Variants in KCNQ5 observed in about 807,000 individuals in gnomAD.
KCNQ5 encodes potassium voltage-gated channel subfamily KQT member 5.
In KCNQ5, 30 loss-of-function variants were observed where a neutral mutation model predicts 98.2. The ratio of observed to expected loss-of-function variants is 0.31; its 90% CI spans 0.23 to 0.41. KCNQ5 has a LOEUF of 0.41. Ranked by LOEUF, KCNQ5 falls within the 10% of genes least tolerant of loss-of-function variation. The pLI, the probability that KCNQ5 is intolerant of heterozygous loss-of-function variation, is 1.00. For missense variants in KCNQ5, 835 were observed against 1,182.5 expected, an observed-to-expected ratio of 0.71 and a Z score of 4.31; for synonymous variants, 458 against 449.4, an observed-to-expected ratio of 1.02 and a Z score of -0.24.
intron 1 of KCNQ5, among the ~76,000 whole-genome samples, chr6:72,869,519 G>A (rs912437718): frequency 2.0e-5 from 3 of 152,056 alleles, no homozygotes; most frequent in Non-Finnish European, 4.4e-5. Flanking sequence ...CATTTACTTT[G>A]GTTAAATACA....
chr6:73,035,963 C>G (rs796872669), intron 2 of KCNQ5, among the ~76,000 whole-genome samples: 1 of 148,282 alleles, frequency 6.7e-6, no homozygotes, highest in South Asian at 2.1e-4. Flanking sequence ...ATTCAGATTT[C>G]TCCAGTTTTA....
intron 1 of KCNQ5, among the ~76,000 whole-genome samples, chr6:72,628,970 G>C (rs952059571): frequency 2.0e-5 from 3 of 152,026 alleles, no homozygotes; most frequent in African/African-American, 7.3e-5. Flanking sequence ...GCTTGGAGGA[G>C]GATCTGTTTA....
intron 1 of KCNQ5, among the ~76,000 whole-genome samples, chr6:72,798,456 C>G (rs1049284197): frequency 2.6e-5 from 4 of 152,132 alleles, no homozygotes; most frequent in Admixed American, 2.0e-4. Flanking sequence ...GTTTGTTATT[C>G]AAACGAGTTT....
At chr6:73,052,047 C>T (rs1007611673) in intron 3 of KCNQ5, among the ~76,000 whole-genome samples, 3 of 152,300 alleles carry the variant, frequency 2.0e-5, no homozygotes, top group East Asian at 3.9e-4. Flanking sequence ...AAGAACAGAA[C>T]TGATCTGATA....
At chr6:73,050,268 A>T (rs1432344709) in intron 3 of KCNQ5, among the ~76,000 whole-genome samples, 1 of 102,364 alleles carries the variant, frequency 9.8e-6, no homozygotes, top group Non-Finnish European at 2.2e-5. Flanking sequence ...GGAAGGAAGG[A>T]AGGAAGGAAG....
At chr6:72,826,699 A>C (rs746121119) in intron 1 of KCNQ5, among the ~76,000 whole-genome samples, 2 of 152,076 alleles carry the variant, frequency 1.3e-5, no homozygotes, top group African/African-American at 2.4e-5. Flanking sequence ...ATCATCTCTA[A>C]TATTTATCAT....
intron 7 of KCNQ5, 80 bp downstream of exon 7, chr6:73,111,483 A>C: frequency 1.1e-6 from 1 of 897,918 alleles, no homozygotes; most frequent in Non-Finnish European, 1.8e-6. Flanking sequence ...TCTGTGCTTC[A>C]TTGCTTGGTA....
At chr6:73,154,174 A>C (rs926852534) in intron 10 of KCNQ5, among the ~76,000 whole-genome samples, 2 of 152,164 alleles carry the variant, frequency 1.3e-5, no homozygotes, top group African/African-American at 4.8e-5. Flanking sequence ...TCACAGATGC[A>C]TCAAAATTGT....
intron 1 of KCNQ5, among the ~76,000 whole-genome samples, chr6:72,767,689 G>T (rs1471470945): frequency 1.3e-5 from 2 of 151,928 alleles, no homozygotes; most frequent in East Asian, 3.9e-4. Context: ...CTAAGTAGAT[G>T]TTTCTCCAAA....
chr6:73,067,898 ATATATAT>A (rs1562159133), intron 3 of KCNQ5, among the ~76,000 whole-genome samples: 8 of 470 alleles, frequency 0.017, no homozygotes, highest in African/African-American at 0.019. Context: ...ATATATATAT[ATATATAT>A]AACTAAAATT....
intron 1 of KCNQ5, among the ~76,000 whole-genome samples, chr6:72,637,856 G>T (rs1340060325): frequency 6.6e-6 from 1 of 152,196 alleles, no homozygotes; most frequent in Non-Finnish European, 1.5e-5. Flanking sequence ...TGACATAGAA[G>T]AAATTACAGT....
At chr6:73,071,799 C>T (rs1773312311) in intron 3 of KCNQ5, among the ~76,000 whole-genome samples, 1 of 152,200 alleles carries the variant, frequency 6.6e-6, no homozygotes, top group Non-Finnish European at 1.5e-5. Flanking sequence ...CATTAGGCTT[C>T]ACCTCTAACA....
intron 11 of KCNQ5, 122 bp downstream of exon 11, chr6:73,169,976 CA>C: frequency 1.5e-6 from 1 of 675,254 alleles, no homozygotes; most frequent in Non-Finnish European, 2.7e-6. Context: ...CTTTCCTATT[CA>C]TCCATATGCC....
At chr6:73,124,209 A>G (rs1009768058) in intron 8 of KCNQ5, among the ~76,000 whole-genome samples, 4 of 152,196 alleles carry the variant, frequency 2.6e-5, no homozygotes, top group African/African-American at 9.6e-5. Flanking sequence ...TTAGCCATGG[A>G]TAGCTTTGGC....
At chr6:72,752,447 T>A (rs1762089634) in intron 1 of KCNQ5, among the ~76,000 whole-genome samples, 1 of 152,124 alleles carries the variant, frequency 6.6e-6, no homozygotes, top group South Asian at 2.1e-4. Flanking sequence ...GGTACAGATT[T>A]CTGCTTTCTT....
intron 1 of KCNQ5, among the ~76,000 whole-genome samples, chr6:72,672,396 C>A (rs1195415722): frequency 1.3e-5 from 2 of 152,110 alleles, no homozygotes; most frequent in Non-Finnish European, 2.9e-5. Flanking sequence ...CTGCGCCCAG[C>A]CTTCACCAGA....
chr6:72,911,762 A>T (rs973333910), intron 1 of KCNQ5, among the ~76,000 whole-genome samples: 83 of 152,142 alleles, frequency 5.5e-4, no homozygotes, highest in African/African-American at 2.0e-3. Context: ...CAGAACTAAG[A>T]ACATCCTATG....
intron 1 of KCNQ5, among the ~76,000 whole-genome samples, chr6:72,794,259 CA>C: frequency 6.6e-6 from 1 of 151,350 alleles, no homozygotes; most frequent in South Asian, 2.1e-4. Flanking sequence ...GGGGTTGTCT[CA>C]AAATGTGGTA....
intron 1 of KCNQ5, among the ~76,000 whole-genome samples, chr6:72,649,841 AC>A (rs1318731078): frequency 1.3e-5 from 2 of 152,162 alleles, no homozygotes; most frequent in African/African-American, 4.8e-5. Context: ...GTCACAGACA[AC>A]ATGAACTTAA....
Sources: allele counts gnomAD v4.1 joint callset (sites outside exome capture counted in the v4.1 genomes callset), GRCh38; gene constraint gnomAD v4.1.1; transcripts MANE v1.5; gene names NCBI Gene and HGNC (gene_info 2026-07-23, HGNC 2026-07-21).